DACH1: variants seen among roughly 807,000 people sequenced by gnomAD.
DACH1 encodes the protein dachshund homolog 1.
A neutral mutation model predicts 54.2 loss-of-function variants in DACH1; 12 were observed. The observed-to-expected ratio is 0.22, with a 90% CI of 0.14 to 0.36. The LOEUF is 0.36. Among genes scored for constraint, DACH1 ranks in the 10% least tolerant of loss-of-function variants. The probability of loss-of-function intolerance (pLI) is 1.00; values close to 1 mark genes in which losing one functional copy is unlikely to be tolerated. For missense variants in DACH1, 805 were observed against 929.8 expected (o/e 0.87, Z 1.75); for synonymous variants, 386 against 366.2 (o/e 1.05, Z -0.62).
At chr13:71,792,728 A>G (rs1886883965) in intron 1 of DACH1, among the ~76,000 whole-genome samples, 1 of 152,190 alleles carries the variant, frequency 6.6e-6, no homozygotes, top group Non-Finnish European at 1.5e-5. Flanking sequence ...GTGGCTGGCC[A>G]TCATTCGACT....
At chr13:71,774,536 T>C (rs1431762421) in intron 1 of DACH1, among the ~76,000 whole-genome samples, 1 of 152,128 alleles carries the variant, frequency 6.6e-6, no homozygotes, top group Non-Finnish European at 1.5e-5. Context: ...GAGTGCATAT[T>C]ATATGGTAGA....
chr13:71,541,170 TA>T (rs1401493646), intron 6 of DACH1, among the ~76,000 whole-genome samples: 1 of 152,010 alleles, frequency 6.6e-6, no homozygotes, highest in Non-Finnish European at 1.5e-5. Flanking sequence ...TTTTATTTTT[TA>T]AAAAACCTGA....
chr13:71,535,595 T>A (rs1265476195), intron 6 of DACH1, among the ~76,000 whole-genome samples: 1 of 151,978 alleles, frequency 6.6e-6, no homozygotes, highest in Admixed American at 6.6e-5. Flanking sequence ...CAGGCGCATT[T>A]TTTTCCCCCC....
intron 3 of DACH1, among the ~76,000 whole-genome samples, chr13:71,611,259 T>C (rs1875309552): frequency 6.6e-6 from 1 of 152,148 alleles, no homozygotes; most frequent in African/African-American, 2.4e-5. Context: ...GAATTTGCGG[T>C]TTGTTATAAT....
intron 2 of DACH1, among the ~76,000 whole-genome samples, chr13:71,670,347 A>G (rs999572571): frequency 6.6e-6 from 1 of 152,206 alleles, no homozygotes; most frequent in Admixed American, 6.5e-5. Context: ...GCATACAGCC[A>G]TAATCAATTG....
At chr13:71,440,751 T>C (rs1237529701) in intron 10 of DACH1, 59 bp from the exon 11 acceptor site, 9 of 1,318,668 alleles carry the variant, frequency 6.8e-6, no homozygotes, top group Admixed American at 4.3e-5. Flanking sequence ...CAAATGTGCA[T>C]GTAAAAATGA....
intron 6 of DACH1, 91 bp downstream of exon 6, chr13:71,556,933 T>C (rs994531709): frequency 7.9e-7 from 1 of 1,265,072 alleles, no homozygotes; most frequent in Non-Finnish European, 1.1e-6. Flanking sequence ...TTTTTTTACA[T>C]GATGTAGAGA....
rs147445898 is a variant in DACH1 at position 71,783,661 on chromosome 13, T to C, written c.848+82261A>G. 1.2e-4 allele frequency among the ~76,000 whole-genome samples: 19 copies of C among 152,244 alleles called. No homozygotes were observed. The East Asian group carries it at 3.7e-3, about 29-fold the overall frequency. On this transcript the variant is annotated intron_variant, in intron 1 of 10. Transcript: ENST00000613252. ...AAGAAGGAATGGTTACAATAGATTA[T>C]AAGAAGGAGTCTTAAGAGGAGTGAT...
intron 2 of DACH1, among the ~76,000 whole-genome samples, chr13:71,672,347 T>G (rs763900713): frequency 4.4e-4 from 67 of 152,172 alleles, no homozygotes; most frequent in Non-Finnish European, 7.9e-4. Context: ...AGGTTTTTTA[T>G]AAACACTATG....
intron 1 of DACH1, among the ~76,000 whole-genome samples, chr13:71,789,818 A>G (rs930433672): frequency 6.6e-6 from 1 of 152,120 alleles, no homozygotes; most frequent in Admixed American, 6.6e-5. Context: ...CGTGCCTTTT[A>G]TTGAGCTTCT....
chr13:71,613,702 G>A (rs1049669962), intron 3 of DACH1, among the ~76,000 whole-genome samples: 6 of 152,128 alleles, frequency 3.9e-5, no homozygotes, highest in African/African-American at 1.4e-4. Context: ...ACTGTCTGAG[G>A]TTGTTGTGGG....
rs74919190 is a variant in DACH1 at position 71,689,175 on chromosome 13, C to T, written c.849-7265G>A. Reference sequence around the variant, plus strand: ...TCTCTCAACAGTACCAAACCATGTTCTATATGTCATAGGGCACATGAGAAT... The same window carrying T: ...TCTCTCAACAGTACCAAACCATGTTTTATATGTCATAGGGCACATGAGAAT... On this transcript the variant is annotated intron_variant, in intron 1 of 10. Coordinates refer to ENST00000613252, the MANE Select transcript of DACH1 (RefSeq NM_080759.6). Among the ~76,000 whole-genome samples the T allele has an allele frequency of 4.3e-4, 66 of 152,236 alleles. 1 individual carries two copies. The East Asian group carries it at 9.3e-3, about 21-fold the overall frequency.
chr13:71,445,109 C>T (rs1874334399), intron 10 of DACH1, among the ~76,000 whole-genome samples: 1 of 152,144 alleles, frequency 6.6e-6, no homozygotes. Flanking sequence ...CTGCCTCTTT[C>T]TGCCAGTATT....
chr13:71,736,042 A>G (rs1884098400), intron 1 of DACH1, among the ~76,000 whole-genome samples: 1 of 152,146 alleles, frequency 6.6e-6, no homozygotes. Flanking sequence ...CTACCAAAAT[A>G]TACTGAGCTG....
At chr13:71,821,041 A>G (rs753413797) in intron 1 of DACH1, among the ~76,000 whole-genome samples, 2 of 152,186 alleles carry the variant, frequency 1.3e-5, no homozygotes, top group Non-Finnish European at 2.9e-5. Flanking sequence ...GCAGCATGAG[A>G]AAGCCAGGAC....
intron 1 of DACH1, among the ~76,000 whole-genome samples, chr13:71,864,523 C>T (rs1055393000): frequency 2.6e-5 from 4 of 152,182 alleles, no homozygotes; most frequent in African/African-American, 7.2e-5. Context: ...TTCTCTCAAT[C>T]TTCAAACTTA....
intron 1 of DACH1, among the ~76,000 whole-genome samples, chr13:71,707,850 G>A (rs1308234481): frequency 6.6e-6 from 1 of 152,040 alleles, no homozygotes; most frequent in Non-Finnish European, 1.5e-5. Context: ...ACAATGAAAG[G>A]GAGGATGAAG....
intron 2 of DACH1, among the ~76,000 whole-genome samples, chr13:71,679,941 C>CAAAAAA (rs71123298): frequency 1.4e-4 from 10 of 70,172 alleles, no homozygotes; most frequent in Non-Finnish European, 1.7e-4. Flanking sequence ...GACTCCGTCT[C>CAAAAAA]AAAAAAAAAA....
At chr13:71,442,483 T>C (rs755885934) in intron 10 of DACH1, among the ~76,000 whole-genome samples, 1 of 152,120 alleles carries the variant, frequency 6.6e-6, no homozygotes, top group Non-Finnish European at 1.5e-5. Flanking sequence ...TTGTGAATAA[T>C]GCTGCAATAA....
Sources: allele counts gnomAD v4.1 joint callset (sites outside exome capture counted in the v4.1 genomes callset), GRCh38; gene constraint gnomAD v4.1.1; transcripts MANE v1.5; gene names NCBI Gene and HGNC (gene_info 2026-07-23, HGNC 2026-07-21).